The following IGFBP7 variants were observed in gnomAD, a reference collection of about 807,000 sequenced individuals.
IGFBP7 encodes insulin-like growth factor-binding protein 7.
Under a neutral mutation model 29.4 loss-of-function variants are expected in IGFBP7, and 31 were observed. The ratio of observed to expected loss-of-function variants is 1.05; its 90% confidence interval spans 0.79 to 1.42. The LOEUF (loss-of-function observed/expected upper bound fraction) is 1.42. IGFBP7 is among the 40% of genes most tolerant of loss of function. IGFBP7 has a pLI of 0.00. For missense variants in IGFBP7, 393 were observed against 395.5 expected (o/e 0.99, Z 0.05); for synonymous variants, 172 against 174.9 (o/e 0.98, Z 0.13).
intron 1 of IGFBP7, among the ~76,000 whole-genome samples, chr4:57,053,771 C>T (rs1261578925): frequency 3.9e-5 from 6 of 152,036 alleles, no homozygotes; most frequent in African/African-American, 1.5e-4. Flanking sequence ...GACGAAACTC[C>T]CTAGTGATGT....
At chr4:57,102,690 T>C (rs989400730) in intron 1 of IGFBP7, among the ~76,000 whole-genome samples, 1 of 152,232 alleles carries the variant, frequency 6.6e-6, no homozygotes, top group Non-Finnish European at 1.5e-5. Flanking sequence ...GAAAGAATCC[T>C]AAGTCCTCTA....
intron 1 of IGFBP7, among the ~76,000 whole-genome samples, chr4:57,064,023 C>A (rs1724859017): frequency 6.6e-6 from 1 of 151,838 alleles, no homozygotes; most frequent in African/African-American, 2.4e-5. Flanking sequence ...TGGGAGAAGC[C>A]CGAGTGACAT....
At chr4:57,079,771 T>C (rs950701413) in intron 1 of IGFBP7, among the ~76,000 whole-genome samples, 3 of 152,234 alleles carry the variant, frequency 2.0e-5, no homozygotes, top group Non-Finnish European at 2.9e-5. Context: ...TCTCATGCTA[T>C]TTGTCTCATT....
chr4:57,095,629 C>A (rs1725742088), intron 1 of IGFBP7, among the ~76,000 whole-genome samples: 1 of 152,182 alleles, frequency 6.6e-6, no homozygotes, highest in Non-Finnish European at 1.5e-5. Context: ...CAAGGCTGCA[C>A]AATCCCCATA....
intron 1 of IGFBP7, among the ~76,000 whole-genome samples, chr4:57,052,871 C>T (rs1490711576): frequency 6.6e-6 from 1 of 152,162 alleles, no homozygotes; most frequent in African/African-American, 2.4e-5. Context: ...ACTCAAATAT[C>T]TCACTACGAT....
intron 1 of IGFBP7, chr4:57,072,736 A>G: frequency 2.1e-6 from 1 of 482,620 alleles, no homozygotes. Flanking sequence ...CTAGTGACAC[A>G]GGGATTTCTG....
intron 1 of IGFBP7, among the ~76,000 whole-genome samples, chr4:57,103,660 C>CTTTTTTTTTTTTTTTTTTTTTTTTTTTTT (rs59173874): frequency 1.7e-4 from 15 of 86,478 alleles, no homozygotes; most frequent in Non-Finnish European, 2.7e-4. Flanking sequence ...TTTTTCTTTT[C>CTTTTTTTTTTTTTTTTTTTTTTTTTTTTT]TTTTTTTTTT....
intron 2 of IGFBP7, among the ~76,000 whole-genome samples, chr4:57,033,980 G>A (rs1724015118): frequency 6.6e-6 from 1 of 150,750 alleles, no homozygotes; most frequent in Admixed American, 6.6e-5. Context: ...GAACCTGGAG[G>A]CGGAGGTTGC....
At chr4:57,100,427 C>A (rs1310586165) in intron 1 of IGFBP7, among the ~76,000 whole-genome samples, 2 of 152,102 alleles carry the variant, frequency 1.3e-5, no homozygotes, top group African/African-American at 4.8e-5. Flanking sequence ...ATGTTAGCCA[C>A]CTCAGAGACA....
chr4:57,101,451 C>T (rs1725894184), intron 1 of IGFBP7, among the ~76,000 whole-genome samples: 1 of 152,204 alleles, frequency 6.6e-6, no homozygotes, highest in African/African-American at 2.4e-5. Context: ...GACTGCTCCT[C>T]TCCCTGGTAA....
intron 1 of IGFBP7, among the ~76,000 whole-genome samples, chr4:57,087,270 T>C (rs1725520517): frequency 6.6e-6 from 1 of 152,178 alleles, no homozygotes; most frequent in Non-Finnish European, 1.5e-5. Context: ...ATTAAAGTGA[T>C]TGATGGATAA....
intron 1 of IGFBP7, among the ~76,000 whole-genome samples, chr4:57,089,679 C>T (rs1304527497): frequency 1.3e-5 from 2 of 152,204 alleles, no homozygotes; most frequent in Admixed American, 6.5e-5. Context: ...CTATGGCAGA[C>T]AATGTAGCCG....
intron 1 of IGFBP7, among the ~76,000 whole-genome samples, chr4:57,105,820 C>T (rs1726015042): frequency 6.6e-6 from 1 of 152,040 alleles, no homozygotes; most frequent in Non-Finnish European, 1.5e-5. Context: ...ACAAATACAT[C>T]ATTTTGGGGT....
chr4:57,053,375 A>AT (rs1205812462), intron 1 of IGFBP7, among the ~76,000 whole-genome samples: 1 of 152,076 alleles, frequency 6.6e-6, no homozygotes, highest in Non-Finnish European at 1.5e-5. Context: ...ATTAAAAAAA[A>AT]GTGGGGTACT....
At chr4:57,045,742 T>G (rs975748325) in intron 1 of IGFBP7, among the ~76,000 whole-genome samples, 3 of 151,930 alleles carry the variant, frequency 2.0e-5, no homozygotes, top group African/African-American at 7.3e-5. Context: ...TCCTTTTTTT[T>G]TTTTTTAGAT....
chr4:57,054,880 C>A (rs985141269), intron 1 of IGFBP7, among the ~76,000 whole-genome samples: 2 of 152,236 alleles, frequency 1.3e-5, no homozygotes, highest in Non-Finnish European at 2.9e-5. Context: ...AGACTTAACA[C>A]CTTGGGTCTT....
intron 3 of IGFBP7, 52 bp downstream of exon 3, chr4:57,033,143 A>T: frequency 7.9e-7 from 1 of 1,264,326 alleles, no homozygotes; most frequent in Non-Finnish European, 1.2e-6. Context: ...AGGTCTGCTT[A>T]TGTCTAATGC....
chr4:57,033,316 AAAAAC>A lies in IGFBP7; in HGVS notation c.586-10_586-6del. ...TCCATAGTGACCCCTTTTTACCTGC[AAAAAC>A]AAAAGGAGAGTAATACTGAGTTTTG... On this transcript the variant is annotated splice_polypyrimidine_tract_variant and splice_region_variant and intron_variant, in intron 2 of 4. Transcript: ENST00000295666. 1 of 1,595,520 alleles carries A rather than the reference AAAAAC, an allele frequency of 6.3e-7. No homozygotes were observed. Among genetic ancestry groups the A allele is most frequent in the Non-Finnish European group, 8.6e-7 (1 of 1,162,948 alleles).
At chr4:57,046,754 C>T (rs1468318365) in intron 1 of IGFBP7, among the ~76,000 whole-genome samples, 1 of 149,680 alleles carries the variant, frequency 6.7e-6, no homozygotes, top group African/African-American at 2.5e-5. Context: ...GCCTTGTACC[C>T]ACCCTCGGCA....
Sources: gnomAD v4.1 joint callset for allele counts (sites outside exome capture counted in the v4.1 genomes callset) on GRCh38, gnomAD v4.1.1 for gene constraint, MANE v1.5 for transcripts, NCBI Gene and HGNC (gene_info 2026-07-23, HGNC 2026-07-21) for gene names.